Variants in OR10J5 observed in about 807,000 individuals in gnomAD.
OR10J5 encodes olfactory receptor family 10 subfamily J member 5.
For synonymous variants in OR10J5, 171 were observed against 137.1 expected (o/e 1.25, Z -1.73); for missense variants, 389 against 372.1 (o/e 1.05, Z -0.37).
chr1:159,535,105 G>T lies in OR10J5; in HGVS notation c.903C>A (p.Cys301Ter). 1.2e-6 allele frequency: 2 copies of T among 1,613,182 alleles called. No homozygotes were observed. The highest frequency in any genetic ancestry group is 1.7e-6 in the Non-Finnish European group (2 of 1,179,362). Residue 301 changes from cysteine (C) to a stop codon, truncating the protein, a stop_gained, in exon 1 of 1, where the codon TGC (cysteine) becomes TGA (stop). Coordinates refer to ENST00000334857, the MANE Select transcript of OR10J5 (RefSeq NM_001004469.1). LOFTEE classifies it high-confidence loss of function. ...LRNKEVKDAL[C>*]RVVGRNIS ...AAGAAATATTTCTGCCCACAACTCT[G>T]CATAGGGCATCCTTTACCTCCTTGT...
Position 159,535,932 on chromosome 1 carries a change from T to C in OR10J5, c.76A>G (p.Thr26Ala). 1 of 1,613,726 alleles carries C rather than the reference T, an allele frequency of 6.2e-7. No homozygotes were observed. The highest frequency in any genetic ancestry group is 8.5e-7 in the Non-Finnish European group (1 of 1,179,840). ...ACAGTTAGGAAAACCACAAAGAGGG[T>C]TATCTGATGCTTTCCAAAGCTAGAA... Reference protein sequence around the residue: ...GFSSFGKHQITLFVVFLTVYI... With the variant: ...GFSSFGKHQIALFVVFLTVYI... The change falls in exon 1 of 1, where the codon ACC (threonine) becomes GCC (alanine). Residue 26 changes from threonine (T) to alanine (A), a missense_variant. By Grantham distance (58) the Thr-to-Ala change is moderately conservative. Coordinates refer to ENST00000334857, the MANE Select transcript of OR10J5 (RefSeq NM_001004469.1).
rs1340478905 is a variant in OR10J5, at chr1:159,535,279, G to A, written c.729C>T (p.His243=). Residue 243 remains histidine, a synonymous_variant, in exon 1 of 1, where the codon CAC becomes CAT. Coordinates refer to ENST00000334857, the MANE Select transcript of OR10J5 (RefSeq NM_001004469.1). The stretch of plus-strand genomic sequence containing the variant: ...CACAGTGGACAATAACCACAGTGAG[G>A]TGGGAGACACAGGTGGCAAAGGTCT... The part of the protein sequence containing the change: ...RKKTFATCVS[H]LTVVIVHCGC... 3 of 1,614,018 alleles carry A rather than the reference G, an allele frequency of 1.9e-6. No individual in the cohort carries two copies. Among genetic ancestry groups the A allele is most frequent in the African/African-American group, 2.7e-5 (2 of 74,914 alleles).
rs1252673135 is a variant in OR10J5 at position 159,535,785 on chromosome 1, G to A, written c.223C>T (p.Leu75=). ...AAAAGCATTCGTGGCACAATGACCA[G>A]TGTGTACACCGTCTCTGAACTAGCC... The part of the protein sequence containing the change: ...MLASSETVYT[L]VIVPRMLLSL... The change falls in exon 1 of 1, where the codon CTG becomes TTG. Residue 75 remains leucine, a synonymous_variant. Coordinates refer to ENST00000334857, the MANE Select transcript of OR10J5 (RefSeq NM_001004469.1). The A allele has an allele frequency of 2.5e-6, 4 of 1,613,988 alleles. No homozygotes were observed. The highest frequency in any genetic ancestry group is 1.3e-5 in the African/African-American group (1 of 74,926).
rs770021286 is a variant in OR10J5, at chr1:159,535,797, T to A, written c.211A>T (p.Thr71Ser). ...GGCACAATGACCAGTGTGTACACCG[T>A]CTCTGAACTAGCCAGCATGCTTAGG... is the stretch of plus-strand genomic sequence containing the variant. ...FFLSMLASSETVYTLVIVPRM... is the reference protein window; with the variant it reads ...FFLSMLASSESVYTLVIVPRM... Residue 71 changes from threonine (T) to serine (S), a missense_variant, in exon 1 of 1, where the codon ACG becomes TCG. Physicochemically the swap from Thr to Ser is moderately conservative, Grantham distance 58 (BLOSUM62 1). Transcript: ENST00000334857. The A allele has an allele frequency of 7.4e-6, 12 of 1,613,992 alleles. No individual in the cohort carries two copies. The Admixed American group carries it at 8.3e-5, about 11-fold the overall frequency.
rs375276056 is a variant in OR10J5 at position 159,535,216 on chromosome 1, T to G, written c.792A>C (p.Glu264Asp). The G allele has an allele frequency of 1.6e-5, 26 of 1,613,976 alleles. No homozygotes were observed. The highest frequency in any genetic ancestry group is 2.1e-5 in the Non-Finnish European group (25 of 1,180,032). The stretch of plus-strand genomic sequence containing the variant: ...GAACAAGGTCTTTTTCTATTGAACT[T>G]TCTGACTTCGGCTTGAGGTAGGCAA... ...ASIAYLKPKS[E>D]SSIEKDLVLS... Residue 264 changes from glutamate to aspartate, a missense_variant, in exon 1 of 1, where the codon GAA becomes GAC. Glu to Asp is a conservative substitution (Grantham distance 45). Coordinates refer to ENST00000334857, the MANE Select transcript of OR10J5 (RefSeq NM_001004469.1).
Position 159,535,751 on chromosome 1 carries a change from A to C in OR10J5, c.257T>G (p.Ile86Ser). ...CAAGGAGATAGGTTGGTTATGAAAA[A>C]TGAGGCTCAAAAGCATTCGTGGCAC... is the stretch of plus-strand genomic sequence containing the variant. ...VIVPRMLLSL[I>S]FHNQPISLAG... The change falls in exon 1 of 1, where the codon ATT (isoleucine) becomes AGT (serine). Residue 86 changes from isoleucine to serine, a missense_variant. Ile to Ser is a moderately radical substitution (Grantham distance 142, BLOSUM62 -2). Transcript: ENST00000334857. 6.2e-7 allele frequency: 1 copy of C among 1,614,194 alleles called. No homozygotes were observed. Among genetic ancestry groups the C allele is most frequent in the Non-Finnish European group, 8.5e-7 (1 of 1,180,026 alleles).
In OR10J5 at chr1:159,535,953, T is replaced by C. The variant is rs200510791; in HGVS notation, c.55A>G (p.Ser19Gly). The change falls in exon 1 of 1, where the codon AGC becomes GGC. Residue 19 changes from serine (S) to glycine (G), a missense_variant. Ser to Gly is a moderately conservative substitution (Grantham distance 56). Transcript: ENST00000334857. Reference sequence around the variant, plus strand: ...AGGGTTATCTGATGCTTTCCAAAGCTAGAAAATCCCAAGAAAATGAATTCT... The same window carrying C: ...AGGGTTATCTGATGCTTTCCAAAGCCAGAAAATCCCAAGAAAATGAATTCT... ...VSEFIFLGFS[S>G]FGKHQITLFV... 3.0e-5 allele frequency: 49 copies of C among 1,613,006 alleles called. No individual in the cohort carries two copies. Among genetic ancestry groups the C allele is most frequent in the Admixed American group, 6.7e-5 (4 of 59,894 alleles).
In OR10J5 at chr1:159,535,942, C is replaced by T; in HGVS notation, c.66G>A (p.Lys22=). 1 of 1,612,780 alleles carries T rather than the reference C, an allele frequency of 6.2e-7. No individual in the cohort carries two copies. ...FIFLGFSSFG[K]HQITLFVVFL... is the part of the protein sequence containing the mutation. ...AAACCACAAAGAGGGTTATCTGATG[C>T]TTTCCAAAGCTAGAAAATCCCAAGA... The change falls in exon 1 of 1, where the codon AAG becomes AAA. Residue 22 remains lysine (K), a synonymous_variant. Coordinates refer to ENST00000334857, the MANE Select transcript of OR10J5 (RefSeq NM_001004469.1).
Position 159,535,336 on chromosome 1 carries a change from G to C in OR10J5, c.672C>G (p.Ile224Met). Residue 224 changes from isoleucine (I) to methionine (M), a missense_variant, in exon 1 of 1, where the codon ATC becomes ATG. By Grantham distance (10) the Ile-to-Met change is conservative. Transcript: ENST00000334857. ...FISYVLVISSILQIASAEGRK... is the reference protein window; with the variant it reads ...FISYVLVISSMLQIASAEGRK... ...GGCCCTCAGCTGAGGCAATTTGAAG[G>C]ATGGAAGAGATGACAAGGACATAGG... 1 of 1,614,124 alleles carries C rather than the reference G, an allele frequency of 6.2e-7. No homozygotes were observed. Among genetic ancestry groups the C allele is most frequent in the Non-Finnish European group, 8.5e-7 (1 of 1,180,026 alleles).
In OR10J5 at chr1:159,535,610, G is replaced by A. The variant is rs1161502726; in HGVS notation, c.398C>T (p.Thr133Ile). ...ACATAGTCCCTTGCTCATGATGACA[G>A]TGTATCTCAGGGGTCTGCAGATGGC... is the stretch of plus-strand genomic sequence containing the variant. ...YVAICRPLRY[T>I]VIMSKGLCAQ... Residue 133 changes from threonine (T) to isoleucine (I), a missense_variant, in exon 1 of 1, where the codon ACT becomes ATT. By Grantham distance (89) the Thr-to-Ile change is moderately conservative. Coordinates refer to ENST00000334857, the MANE Select transcript of OR10J5 (RefSeq NM_001004469.1). The A allele has an allele frequency of 1.9e-6, 3 of 1,614,132 alleles. No homozygotes were observed. The highest frequency in any genetic ancestry group is 2.5e-6 in the Non-Finnish European group (3 of 1,180,012).
rs377745819 is a variant in OR10J5, at chr1:159,535,836, G to A, written c.172C>T (p.Pro58Ser). ...AGCATGCTTAGGAAGAAATACATGG[G>A]AGTGTGGAGATGATGGTCAATGCAG... ...IICIDHHLHTPMYFFLSMLAS... is the reference protein window; with the variant it reads ...IICIDHHLHTSMYFFLSMLAS... The change falls in exon 1 of 1, where the codon CCC (proline) becomes TCC (serine). Residue 58 changes from proline to serine, a missense_variant. Physicochemically the swap from Pro to Ser is moderately conservative, Grantham distance 74. Coordinates refer to ENST00000334857, the MANE Select transcript of OR10J5 (RefSeq NM_001004469.1). 3.2e-5 allele frequency: 52 copies of A among 1,614,014 alleles called. No individual in the cohort carries two copies. The highest frequency in any genetic ancestry group is 4.0e-5 in the Non-Finnish European group (47 of 1,180,004).
rs747807028 is a variant in OR10J5, at chr1:159,535,405, T to TA, written c.602dup (p.Ser202LysfsTer30). On this transcript the variant is annotated frameshift_variant, in exon 1 of 1. Coordinates refer to ENST00000334857, the MANE Select transcript of OR10J5 (RefSeq NM_001004469.1). LOFTEE classifies it low-confidence loss of function (END_TRUNC). Reference sequence around the variant, plus strand: ...TGGGCACAAAAATCACAAATGAACTTACACCATAATTTATTATCTCATTGA... The same window carrying TA: ...TGGGCACAAAAATCACAAATGAACTTAACACCATAATTTATTATCTCATTGA... The TA allele has an allele frequency of 3.1e-6, 5 of 1,614,070 alleles. No individual in the cohort carries two copies. Among genetic ancestry groups the TA allele is most frequent in the Non-Finnish European group, 8.5e-7 (1 of 1,179,938 alleles).
chr1:159,535,860 A>C lies in OR10J5; in HGVS notation c.148T>G (p.Cys50Gly), dbSNP rs767455495. Residue 50 changes from cysteine (C) to glycine (G), a missense_variant, in exon 1 of 1, where the codon TGC becomes GGC. Physicochemically the swap from Cys to Gly is radical, Grantham distance 159. Transcript: ENST00000334857. ...VANIIIVTII[C>G]IDHHLHTPMY... ...GGAGTGTGGAGATGATGGTCAATGC[A>C]GATGATAGTCACAATGATGATGTTA... 17 of 1,614,070 alleles carry C rather than the reference A, an allele frequency of 1.1e-5. No individual in the cohort carries two copies. The African/African-American group carries it at 2.1e-4, about 20-fold the overall frequency.
chr1:159,535,680 T>A lies in OR10J5; in HGVS notation c.328A>T (p.Asn110Tyr), dbSNP rs780730919. Residue 110 changes from asparagine (N) to tyrosine (Y), a missense_variant, in exon 1 of 1, where the codon AAT becomes TAT. By Grantham distance (143) the Asn-to-Tyr change is moderately radical (BLOSUM62 -2). Coordinates refer to ENST00000334857, the MANE Select transcript of OR10J5 (RefSeq NM_001004469.1). ...ATTGCAGTAAGCAGGAAGCAATTAT[T>A]AGTGGCCAAGATAACAAAAAAGAAC... ...QMFFFVILAT[N>Y]NCFLLTAMGY... The A allele has an allele frequency of 1.7e-5, 27 of 1,614,004 alleles. No individual in the cohort carries two copies. Among genetic ancestry groups the A allele is most frequent in the Non-Finnish European group, 2.3e-5 (27 of 1,180,010 alleles).
chr1:159,535,842 G>A lies in OR10J5; in HGVS notation c.166C>T (p.His56Tyr). 6.2e-7 allele frequency: 1 copy of A among 1,614,112 alleles called. No individual in the cohort carries two copies. ...VTIICIDHHL[H>Y]TPMYFFLSML... ...CTTAGGAAGAAATACATGGGAGTGT[G>A]GAGATGATGGTCAATGCAGATGATA... The change falls in exon 1 of 1, where the codon CAC becomes TAC. Residue 56 changes from histidine (H) to tyrosine (Y), a missense_variant. Transcript: ENST00000334857.
At position 159,535,123 on chromosome 1, in the gene OR10J5, C is replaced by T. The variant is rs371647684; in HGVS notation, c.885G>A (p.Glu295=). 6.2e-7 allele frequency: 1 copy of T among 1,613,992 alleles called. No individual in the cohort carries two copies. Residue 295 remains glutamate (E), a synonymous_variant, in exon 1 of 1, where the codon GAG becomes GAA. Coordinates refer to ENST00000334857, the MANE Select transcript of OR10J5 (RefSeq NM_001004469.1). ...CAACTCTGCATAGGGCATCCTTTAC[C>T]TCCTTGTTTCTCAGACTGTAAACAA... is the stretch of plus-strand genomic sequence containing the variant. ...NPVVYSLRNK[E]VKDALCRVVG...
At position 159,535,740 on chromosome 1, in the gene OR10J5, G is replaced by A. The variant is rs1203296228; in HGVS notation, c.268C>T (p.Gln90Ter). 8 of 1,614,032 alleles carry A rather than the reference G, an allele frequency of 5.0e-6. No homozygotes were observed. Among genetic ancestry groups the A allele is most frequent in the South Asian group, 1.1e-5 (1 of 91,078 alleles). The change falls in exon 1 of 1, where the codon CAA becomes TAA. Residue 90 changes from glutamine (Q) to a stop codon, truncating the protein, a stop_gained. Coordinates refer to ENST00000334857, the MANE Select transcript of OR10J5 (RefSeq NM_001004469.1). LOFTEE classifies it low-confidence loss of function (END_TRUNC). ...RMLLSLIFHN[Q>*]PISLAGCATQ... is the part of the protein sequence containing the mutation. ...GCACAGCCTGCCAAGGAGATAGGTT[G>A]GTTATGAAAAATGAGGCTCAAAAGC...
rs1570961356 is a variant in OR10J5 at position 159,535,377 on chromosome 1, C to T, written c.631G>A (p.Gly211Ser). The T allele has an allele frequency of 5.6e-6, 9 of 1,614,104 alleles. No homozygotes were observed. In the East Asian group the frequency reaches 2.0e-4, roughly 36 times the overall value. Residue 211 changes from glycine (G) to serine (S), a missense_variant, in exon 1 of 1, where the codon GGC becomes AGC. By Grantham distance (56) the Gly-to-Ser change is moderately conservative. Coordinates refer to ENST00000334857, the MANE Select transcript of OR10J5 (RefSeq NM_001004469.1). ...AGGACATAGGAGATAAATATCAGGCCTATGGGCACAAAAATCACAAATGAA... is the reference window on the plus strand; with the variant it reads ...AGGACATAGGAGATAAATATCAGGCTTATGGGCACAAAAATCACAAATGAA... The part of the protein sequence containing the change: ...VSSFVIFVPI[G>S]LIFISYVLVI...
At position 159,535,209 on chromosome 1, in the gene OR10J5, T is replaced by C. The variant is rs1489827811; in HGVS notation, c.799A>G (p.Ile267Val). The change falls in exon 1 of 1, where the codon ATA becomes GTA. Residue 267 changes from isoleucine to valine, a missense_variant. Physicochemically the swap from Ile to Val is conservative, Grantham distance 29. Transcript: ENST00000334857. Reference sequence around the variant, plus strand: ...ACTGAGAGAACAAGGTCTTTTTCTATTGAACTTTCTGACTTCGGCTTGAGG... The same window carrying C: ...ACTGAGAGAACAAGGTCTTTTTCTACTGAACTTTCTGACTTCGGCTTGAGG... ...AYLKPKSESS[I>V]EKDLVLSVTY... 1 of 1,614,058 alleles carries C rather than the reference T, an allele frequency of 6.2e-7. No individual in the cohort carries two copies. The highest frequency in any genetic ancestry group is 8.5e-7 in the Non-Finnish European group (1 of 1,180,002).
Sources: gnomAD v4.1 joint callset for allele counts on GRCh38, gnomAD v4.1.1 for gene constraint, MANE v1.5 for transcripts, NCBI Gene and HGNC (gene_info 2026-07-23, HGNC 2026-07-21) for gene names.